The following ATG4C variants were observed in gnomAD, a reference collection of about 807,000 sequenced individuals.
ATG4C encodes cysteine protease ATG4C.
ATG4C carries 56 observed loss-of-function variants against 57.6 expected under a neutral mutation model. The observed-to-expected ratio is 0.97, with a 90% CI of 0.78 to 1.21. The LOEUF is 1.21. Among genes scored for constraint, ATG4C ranks in the 50% most tolerant of loss-of-function variants. ATG4C has a pLI of 0.00. For synonymous variants in ATG4C, 157 were observed against 174.1 expected, an observed-to-expected ratio of 0.90 and a Z score of 0.78; for missense variants, 595 against 529.8, an observed-to-expected ratio of 1.12 and a Z score of -1.21.
chr1:62,817,142 C>G (rs1167375071), intron 4 of ATG4C, among the ~76,000 whole-genome samples: 1 of 152,064 alleles, frequency 6.6e-6, no homozygotes, highest in African/African-American at 2.4e-5. Context: ...TGGTTGAACT[C>G]TGGATTATCT....
chr1:62,842,683 G>A (rs1666208972), intron 10 of ATG4C, among the ~76,000 whole-genome samples: 1 of 152,046 alleles, frequency 6.6e-6, no homozygotes, highest in South Asian at 2.1e-4. Flanking sequence ...TTTCATATAA[G>A]CTAGATTTAG....
At chr1:62,843,812 C>G (rs1182504298) in intron 10 of ATG4C, among the ~76,000 whole-genome samples, 1 of 152,000 alleles carries the variant, frequency 6.6e-6, no homozygotes, top group Non-Finnish European at 1.5e-5. Context: ...CCTCAAGTAA[C>G]GTTTATACTT....
intron 9 of ATG4C, among the ~76,000 whole-genome samples, chr1:62,838,394 T>G (rs1225247821): frequency 6.6e-6 from 1 of 152,092 alleles, no homozygotes; most frequent in African/African-American, 2.4e-5. Context: ...ATTAGGAAAA[T>G]ATTTGAAAGT....
At chr1:62,803,610 G>A in intron 1 of ATG4C, 109 bp from the exon 2 acceptor site, 1 of 388,748 alleles carries the variant, frequency 2.6e-6, no homozygotes, top group Non-Finnish European at 4.7e-6. Context: ...AAATTGTTTT[G>A]TTCATTTGCA....
chr1:62,801,958 C>CAAAAAAAAAAAAA (rs60298362), intron 1 of ATG4C, among the ~76,000 whole-genome samples: 103 of 51,880 alleles, frequency 2.0e-3, no homozygotes, highest in Non-Finnish European at 2.8e-3. Context: ...ACTCTGTCTC[C>CAAAAAAAAAAAAA]AAAAAAAAAA....
chr1:62,798,923 G>A (rs560909045), intron 1 of ATG4C, among the ~76,000 whole-genome samples: 47 of 152,248 alleles, frequency 3.1e-4, no homozygotes, highest in Middle Eastern at 6.8e-3. Context: ...GATTATAGGC[G>A]TGAGCCACCG....
intron 1 of ATG4C, among the ~76,000 whole-genome samples, chr1:62,794,658 A>C (rs1664400405): frequency 6.6e-6 from 1 of 152,208 alleles, no homozygotes; most frequent in Admixed American, 6.5e-5. Context: ...GGGACACTGC[A>C]CATAAATATT....
At position 62,857,316 on chromosome 1, in the gene ATG4C, C is replaced by G. The variant is rs112157609; in HGVS notation, c.1210-6676C>G. On this transcript the variant is annotated intron_variant, in intron 10 of 10. Transcript: ENST00000317868. ...TTAGAGTCTCATAAGAGTGTGAACC[C>G]TATTGTGAACTGCATATGCAAGGGA... is the stretch of plus-strand genomic sequence containing the variant. 4.9e-3 allele frequency among the ~76,000 whole-genome samples: 750 copies of G among 152,210 alleles called. 2 individuals carry two copies. Among genetic ancestry groups the G allele is most frequent in the African/African-American group, 0.017 (700 of 41,526 alleles).
At chr1:62,809,165 C>T (rs1290263591) in intron 3 of ATG4C, among the ~76,000 whole-genome samples, 2 of 151,976 alleles carry the variant, frequency 1.3e-5, no homozygotes, top group Non-Finnish European at 2.9e-5. Flanking sequence ...TCTCGAACTC[C>T]TTGGCTCAAG....
chr1:62,786,617 A>G (rs1237307447), intron 1 of ATG4C, among the ~76,000 whole-genome samples: 1 of 151,950 alleles, frequency 6.6e-6, no homozygotes, highest in Non-Finnish European at 1.5e-5. Context: ...TGGACTATAT[A>G]TAAGTAAAAT....
chr1:62,803,514 T>C (rs1292097218), intron 1 of ATG4C, among the ~76,000 whole-genome samples: 2 of 152,192 alleles, frequency 1.3e-5, no homozygotes, highest in African/African-American at 4.8e-5. Context: ...TTTTTTGTAA[T>C]TAAAATATAG....
chr1:62,802,992 CTG>C (rs778004253), intron 1 of ATG4C, among the ~76,000 whole-genome samples: 1 of 152,126 alleles, frequency 6.6e-6, no homozygotes, highest in Non-Finnish European at 1.5e-5. Context: ...GAAAAGTAAA[CTG>C]TGAATTATTG....
At chr1:62,815,425 C>T (rs1174449515) in intron 3 of ATG4C, among the ~76,000 whole-genome samples, 1 of 152,074 alleles carries the variant, frequency 6.6e-6, no homozygotes, top group African/African-American at 2.4e-5. Context: ...ATACATTTTA[C>T]TTATTTATAT....
intron 3 of ATG4C, among the ~76,000 whole-genome samples, chr1:62,813,663 A>G (rs1665166276): frequency 6.6e-6 from 1 of 152,236 alleles, no homozygotes; most frequent in Admixed American, 6.5e-5. Flanking sequence ...TAAATAGGCA[A>G]CCTATAGAAT....
chr1:62,826,239 ATTTT>A (rs34163191), intron 6 of ATG4C, among the ~76,000 whole-genome samples: 1 of 135,548 alleles, frequency 7.4e-6, no homozygotes. Flanking sequence ...ACCATTCCCT[ATTTT>A]TTTTTTTTTT....
chr1:62,849,335 T>G (rs1219632815), intron 10 of ATG4C, among the ~76,000 whole-genome samples: 1 of 152,188 alleles, frequency 6.6e-6, no homozygotes, highest in Non-Finnish European at 1.5e-5. Flanking sequence ...TTTTACAGGA[T>G]ATAGAATTCC....
At chr1:62,786,609 G>T (rs925190289) in intron 1 of ATG4C, among the ~76,000 whole-genome samples, 5 of 150,764 alleles carry the variant, frequency 3.3e-5, no homozygotes, top group Admixed American at 2.6e-4. Flanking sequence ...TTATTTTTTG[G>T]ACTATATATA....
chr1:62,829,476 A>G (rs1437360480), intron 7 of ATG4C, among the ~76,000 whole-genome samples: 1 of 152,062 alleles, frequency 6.6e-6, no homozygotes, highest in African/African-American at 2.4e-5. Context: ...CTTATTTGTA[A>G]TTTTAAGTAT....
intron 10 of ATG4C, among the ~76,000 whole-genome samples, chr1:62,861,393 A>T (rs1027998170): frequency 6.6e-6 from 1 of 151,988 alleles, no homozygotes; most frequent in African/African-American, 2.4e-5. Context: ...AAAAAATACA[A>T]AATTAGCCAG....
Sources: allele counts gnomAD v4.1 joint callset (sites outside exome capture counted in the v4.1 genomes callset), GRCh38; gene constraint gnomAD v4.1.1; transcripts MANE v1.5; gene names NCBI Gene and HGNC (gene_info 2026-07-23, HGNC 2026-07-21).